Variants in PCBP3 observed in about 807,000 individuals in gnomAD.
PCBP3 encodes the protein poly(rC)-binding protein 3.
PCBP3 carries 25 observed loss-of-function variants against 52.7 expected under a neutral mutation model. The observed-to-expected ratio is 0.47, with a 90% CI of 0.35 to 0.66. PCBP3 has a LOEUF of 0.66. Among genes scored for constraint, PCBP3 ranks in the 30% least tolerant of loss-of-function variants. The probability of loss-of-function intolerance (pLI) is 0.01; values close to 1 mark genes in which losing one functional copy is unlikely to be tolerated. For synonymous variants in PCBP3, 162 were observed against 183.0 expected (o/e 0.89, Z 0.93); for missense variants, 391 against 490.3 (o/e 0.80, Z 1.91).
chr21:45,833,393 C>T (rs1399168964), intron 4 of PCBP3, among the ~76,000 whole-genome samples: 1 of 152,222 alleles, frequency 6.6e-6, no homozygotes, highest in East Asian at 1.9e-4. Flanking sequence ...CTGAGGGTTG[C>T]TTCCCAGGCC....
At chr21:45,732,643 A>G (rs2085545693) in intron 2 of PCBP3, 1 of 151,870 alleles carries the variant, frequency 6.6e-6, no homozygotes. Flanking sequence ...CCATTTTTGA[A>G]AACTTTTTGT....
intron 11 of PCBP3, 178 bp downstream of exon 11, chr21:45,911,208 G>A (rs777740906): frequency 1.4e-6 from 1 of 711,706 alleles, no homozygotes; most frequent in South Asian, 1.6e-5. Context: ...CCACAGGGGT[G>A]CTGGGGCTGC....
At chr21:45,794,714 G>GGT (rs1263071438) in intron 4 of PCBP3, among the ~76,000 whole-genome samples, 1 of 152,224 alleles carries the variant, frequency 6.6e-6, no homozygotes, top group Non-Finnish European at 1.5e-5. Flanking sequence ...CGGATCACAA[G>GGT]GTTAGGAGTT....
intron 4 of PCBP3, among the ~76,000 whole-genome samples, chr21:45,836,856 G>A (rs1036416555): frequency 3.3e-5 from 5 of 152,216 alleles, no homozygotes; most frequent in Admixed American, 3.3e-4. Context: ...GGTGTCTTAG[G>A]TTGGTATGTG....
chr21:45,866,381 G>A (rs743351), intron 5 of PCBP3, among the ~76,000 whole-genome samples: 40,623 of 152,130 alleles, frequency 0.27, 7,999 homozygotes, highest in African/African-American at 0.56. Context: ...AATGACACAG[G>A]GCCTGCCCCA....
chr21:45,785,731 T>C (rs2146228440), intron 4 of PCBP3, among the ~76,000 whole-genome samples: 1 of 152,248 alleles, frequency 6.6e-6, no homozygotes, highest in South Asian at 2.1e-4. Context: ...ATCGGATGGT[T>C]GCCGTGTCTG....
At chr21:45,756,673 G>A (rs1474454286) in intron 4 of PCBP3, among the ~76,000 whole-genome samples, 1 of 152,162 alleles carries the variant, frequency 6.6e-6, no homozygotes, top group Non-Finnish European at 1.5e-5. Flanking sequence ...AACCCCAGGA[G>A]CAGTCACTCC....
chr21:45,823,683 C>T (rs1036801045), intron 4 of PCBP3, among the ~76,000 whole-genome samples: 1 of 151,600 alleles, frequency 6.6e-6, no homozygotes, highest in Admixed American at 6.6e-5. Flanking sequence ...CAGGGATGCT[C>T]CTCAAAGAGT....
chr21:45,855,292 C>T (rs1340168388), intron 5 of PCBP3, among the ~76,000 whole-genome samples: 1 of 152,182 alleles, frequency 6.6e-6, no homozygotes, highest in Non-Finnish European at 1.5e-5. Context: ...CACAGGGAGG[C>T]CAGCACAGAC....
intron 1 of PCBP3, among the ~76,000 whole-genome samples, chr21:45,667,127 C>T (rs867596326): frequency 1.2e-4 from 13 of 104,938 alleles, no homozygotes; most frequent in Admixed American, 1.8e-4. Context: ...TTTCCCCCTT[C>T]CCTTCCCTTC....
chr21:45,646,100 T>TTTCTCTCTCG (rs2079271438), intron 1 of PCBP3, among the ~76,000 whole-genome samples: 1 of 99,578 alleles, frequency 1.0e-5, no homozygotes, highest in African/African-American at 3.6e-5. Flanking sequence ...TCTCTCTCTC[T>TTTCTCTCTCG]CTCTCTCTGT....
At chr21:45,913,840 G>A (rs1043883986) in intron 11 of PCBP3, 111 bp from the exon 12 acceptor site, 34 of 956,986 alleles carry the variant, frequency 3.6e-5, no homozygotes, top group Admixed American at 2.1e-4. Flanking sequence ...GGTGTGGGGA[G>A]CGTGGAGCTG....
intron 5 of PCBP3, among the ~76,000 whole-genome samples, chr21:45,863,861 C>T (rs947821860): frequency 2.0e-5 from 3 of 152,232 alleles, no homozygotes; most frequent in African/African-American, 7.2e-5. Context: ...AGAGTTTGTG[C>T]TTGGTTGACT....
chr21:45,801,852 T>C (rs1465310896), intron 4 of PCBP3, among the ~76,000 whole-genome samples: 1 of 152,246 alleles, frequency 6.6e-6, no homozygotes, highest in South Asian at 2.1e-4. Context: ...AAAAACAGTA[T>C]GTGGAGATCC....
At chr21:45,658,947 CA>C (rs2080199767) in intron 1 of PCBP3, among the ~76,000 whole-genome samples, 1 of 151,396 alleles carries the variant, frequency 6.6e-6, no homozygotes, top group Non-Finnish European at 1.5e-5. Flanking sequence ...TATTGGCCAT[CA>C]GTTGTTCATA....
chr21:45,796,098 C>T (rs942903919), intron 4 of PCBP3, among the ~76,000 whole-genome samples: 2 of 152,352 alleles, frequency 1.3e-5, no homozygotes, highest in East Asian at 1.9e-4. Context: ...TGACGATCCC[C>T]TCTGCAGGTG....
At chr21:45,926,683 G>C (rs2075456403) in intron 13 of PCBP3, among the ~76,000 whole-genome samples, 1 of 152,172 alleles carries the variant, frequency 6.6e-6, no homozygotes, top group Non-Finnish European at 1.5e-5. Context: ...ACCACGTGGG[G>C]AAATTGATCT....
chr21:45,649,495 A>G (rs2079542136), intron 1 of PCBP3, among the ~76,000 whole-genome samples: 2 of 152,316 alleles, frequency 1.3e-5, no homozygotes, highest in African/African-American at 2.4e-5. Flanking sequence ...TTCCAAATTC[A>G]TAACCAATTG....
chr21:45,669,520 C>T (rs2081010364), intron 2 of PCBP3, among the ~76,000 whole-genome samples: 1 of 151,800 alleles, frequency 6.6e-6, no homozygotes, highest in Non-Finnish European at 1.5e-5. Flanking sequence ...TGTTGTGCAA[C>T]CATCCATCTC....
Sources: allele counts gnomAD v4.1 joint callset (sites outside exome capture counted in the v4.1 genomes callset), GRCh38; gene constraint gnomAD v4.1.1; transcripts MANE v1.5; gene names NCBI Gene and HGNC (gene_info 2026-07-23, HGNC 2026-07-21).